ABCG1: variants seen among roughly 807,000 people sequenced by gnomAD.
ABCG1 encodes the protein ATP binding cassette subfamily G member 1, also known as ATP-binding cassette sub-family G member 1.
Under a neutral mutation model 69.2 loss-of-function variants are expected in ABCG1, and 29 were observed. That is an observed-to-expected ratio of 0.42 (90% CI 0.31 to 0.57). The LOEUF is 0.57. Ranked by LOEUF, ABCG1 falls within the 20% of genes least tolerant of loss-of-function variation. ABCG1 has a pLI of 0.15. For missense variants in ABCG1, 718 were observed against 898.1 expected (o/e 0.80, Z 2.56); for synonymous variants, 370 against 374.8 (o/e 0.99, Z 0.15).
chr21:42,239,487 G>A (rs117475268), intron 2 of ABCG1, among the ~76,000 whole-genome samples: 2,884 of 152,156 alleles, frequency 0.019, 36 homozygotes, highest in South Asian at 0.028. Context: ...GGTATAGTTG[G>A]TGGCCACTGT....
At chr21:42,218,475 C>CTT (rs145316507), upstream of ABCG1, among the ~76,000 whole-genome samples, 9 of 149,164 alleles carry the variant, frequency 6.0e-5, no homozygotes, top group African/African-American at 2.3e-4. Context: ...TGAGGCTTTT[C>CTT]TTTTTTTGTT....
Position 42,284,586 on chromosome 21 carries a change from A to G in ABCG1, c.761A>G (p.Gln254Arg). The G allele has an allele frequency of 6.2e-7, 1 of 1,613,788 alleles. No individual in the cohort carries two copies. Among genetic ancestry groups the G allele is most frequent in the Non-Finnish European group, 8.5e-7 (1 of 1,180,012 alleles). ...GGCCTGGACAGCGCCTCCTGCTTCCAGGTGGTCTCGCTGATGAAAGGGCTC... is the reference window on the plus strand; with the variant it reads ...GGCCTGGACAGCGCCTCCTGCTTCCGGGTGGTCTCGCTGATGAAAGGGCTC... ...TSGLDSASCF[Q>R]VVSLMKGLAQ... Residue 254 changes from glutamine (Q) to arginine (R), a missense_variant, in exon 7 of 15, where the codon CAG becomes CGG. Gln to Arg is a conservative substitution (Grantham distance 43). Transcript: ENST00000398449.
intron 5 of ABCG1, among the ~76,000 whole-genome samples, chr21:42,280,680 C>T (rs984782693): frequency 6.6e-6 from 1 of 152,176 alleles, no homozygotes; most frequent in African/African-American, 2.4e-5. Context: ...GGGAAAGGCA[C>T]CCACAGCGGC....
chr21:42,283,715 CACCCACCACCCAGATGAGTGGGGA>C lies in ABCG1; in HGVS notation c.735-844_735-821del, dbSNP rs2068862877. 1.3e-3 allele frequency among the ~76,000 whole-genome samples: 55 copies of C among 42,294 alleles called. 3 individuals carry two copies. In the Admixed American group the frequency reaches 0.013, roughly 10 times the overall value. 27.7% of individuals were successfully genotyped at this position (42,294 alleles called of 152,430 possible). A position where few individuals can be genotyped will look rare whatever the true frequency, so the allele number is the denominator to read the frequency against. ...TCCCACCTGGACAGTTGTGAAGTAC[CACCCACCACCCAGATGAGTGGGGA>C]CCCCCCACCTCTGTCCTGCCTGGAC... On this transcript the variant is annotated intron_variant, in intron 6 of 14. Transcript: ENST00000398449.
chr21:42,234,926 C>T (rs887006209), intron 2 of ABCG1, among the ~76,000 whole-genome samples: 2 of 151,936 alleles, frequency 1.3e-5, no homozygotes, highest in South Asian at 2.1e-4. Flanking sequence ...ACCTCCGCGG[C>T]GGAGCGGCGG....
At chr21:42,200,747 C>G (rs2067500161) in intron 1 of ABCG1, among the ~76,000 whole-genome samples, 1 of 151,902 alleles carries the variant, frequency 6.6e-6, no homozygotes, top group African/African-American at 2.4e-5. Context: ...CACCATGACG[C>G]CCAGCTATCT....
At chr21:42,250,346 G>A (rs1333370519) in intron 2 of ABCG1, among the ~76,000 whole-genome samples, 1 of 152,128 alleles carries the variant, frequency 6.6e-6, no homozygotes, top group East Asian at 1.9e-4. Context: ...GGGGGTGGAA[G>A]CCAGATCCAA....
intron 2 of ABCG1, among the ~76,000 whole-genome samples, chr21:42,264,184 G>C (rs2068462038): frequency 6.6e-6 from 1 of 152,156 alleles, no homozygotes; most frequent in Admixed American, 6.5e-5. Context: ...CTTCATTCCA[G>C]CGTTATCTCC....
At chr21:42,217,510 A>T (rs555999211), upstream of ABCG1, among the ~76,000 whole-genome samples, 102 of 151,844 alleles carry the variant, frequency 6.7e-4, no homozygotes, top group African/African-American at 2.3e-3. Flanking sequence ...AGGTTTGTGG[A>T]TCTGAATCCT....
rs141125749 is a variant in ABCG1 at position 42,284,561 on chromosome 21, G to A, written c.736G>A (p.Gly246Ser). 45 of 1,612,854 alleles carry A rather than the reference G, an allele frequency of 2.8e-5. No homozygotes were observed. Among genetic ancestry groups the A allele is most frequent in the Admixed American group, 2.7e-4 (16 of 60,002 alleles). The change falls in exon 7 of 15, where the codon GGC becomes AGC. Residue 246 changes from glycine to serine, a missense_variant and splice_region_variant. By Grantham distance (56) the Gly-to-Ser change is moderately conservative. This residue lies in a region of ABCG1 where 514 missense variants were observed against 574.3 expected (regional missense o/e 0.90). Transcript: ENST00000398449. Reference sequence around the variant, plus strand: ...CTCACGGTGCCTCTTGACTTGCAGCGGCCTGGACAGCGCCTCCTGCTTCCA... The same window carrying A: ...CTCACGGTGCCTCTTGACTTGCAGCAGCCTGGACAGCGCCTCCTGCTTCCA... ...PVMFFDEPTS[G>S]LDSASCFQVV...
At chr21:42,275,606 C>A (rs1284030964) in intron 4 of ABCG1, among the ~76,000 whole-genome samples, 1 of 152,238 alleles carries the variant, frequency 6.6e-6, no homozygotes, top group Non-Finnish European at 1.5e-5. Context: ...CGAGACCCTT[C>A]ACTGGGACCG....
chr21:42,283,034 T>C (rs551027383), intron 6 of ABCG1, among the ~76,000 whole-genome samples: 1 of 152,314 alleles, frequency 6.6e-6, no homozygotes, highest in South Asian at 2.1e-4. Context: ...CAGCCGCAGG[T>C]TGAGCTCGCC....
chr21:42,242,444 T>G (rs1223689945), intron 2 of ABCG1, among the ~76,000 whole-genome samples: 2 of 152,140 alleles, frequency 1.3e-5, no homozygotes, highest in African/African-American at 4.8e-5. Context: ...AAGGCTGCAG[T>G]AAGCTATGAT....
upstream of ABCG1, among the ~76,000 whole-genome samples, chr21:42,212,036 C>T (rs955423279): frequency 6.6e-6 from 1 of 152,190 alleles, no homozygotes; most frequent in African/African-American, 2.4e-5. Context: ...TTCCTTTCTA[C>T]CACGGGAGGG....
At chr21:42,270,462 T>C (rs1480512125) in intron 2 of ABCG1, among the ~76,000 whole-genome samples, 1 of 152,084 alleles carries the variant, frequency 6.6e-6, no homozygotes, top group Non-Finnish European at 1.5e-5. Flanking sequence ...CAGTTTGGTG[T>C]GGCTCCAAAA....
At chr21:42,293,911 C>T (rs112517667) in intron 13 of ABCG1, among the ~76,000 whole-genome samples, 21 of 149,682 alleles carry the variant, frequency 1.4e-4, no homozygotes, top group Non-Finnish European at 2.8e-4. Flanking sequence ...CACCACACAC[C>T]GCAGACACCA....
intron 2 of ABCG1, among the ~76,000 whole-genome samples, chr21:42,242,356 C>A (rs2068064220): frequency 6.6e-6 from 1 of 152,172 alleles, no homozygotes. Context: ...ATAAGATGAG[C>A]AGAGCATAGT....
At chr21:42,205,482 C>T (rs1346200406) in intron 2 of ABCG1, among the ~76,000 whole-genome samples, 1 of 151,746 alleles carries the variant, frequency 6.6e-6, no homozygotes, top group Non-Finnish European at 1.5e-5. Flanking sequence ...ACCTGTAATC[C>T]CAGCTACTTG....
chr21:42,228,805 C>T (rs571121689), intron 2 of ABCG1, among the ~76,000 whole-genome samples: 2 of 152,338 alleles, frequency 1.3e-5, no homozygotes, highest in African/African-American at 2.4e-5. Flanking sequence ...GCTGCAGAAG[C>T]CCTCTCTGTG....
Sources: gnomAD v4.1 joint callset for allele counts (sites outside exome capture counted in the v4.1 genomes callset) on GRCh38, gnomAD v4.1.1 for gene constraint, gnomAD v4.1.1 regional missense constraint, MANE v1.5 for transcripts, NCBI Gene and HGNC (gene_info 2026-07-23, HGNC 2026-07-21) for gene names.